Variants in WIZ observed in about 807,000 individuals in gnomAD.
WIZ encodes the protein WIZ zinc finger.
WIZ carries 25 observed loss-of-function variants against 140.2 expected under a neutral mutation model. The observed-to-expected ratio is 0.18, with a 90% CI of 0.13 to 0.25. The LOEUF is 0.25. Ranked by LOEUF, WIZ falls within the 10% of genes least tolerant of loss-of-function variation. The probability of loss-of-function intolerance (pLI) is 1.00; values close to 1 mark genes in which losing one functional copy is unlikely to be tolerated. For missense variants in WIZ, 2,231 were observed against 2,632.6 expected (o/e 0.85, Z 3.34); for synonymous variants, 1,125 against 1,154.3 (o/e 0.97, Z 0.51).
chr19:15,428,425 C>T lies in WIZ; in HGVS notation c.3499G>A (p.Ala1167Thr). The T allele has an allele frequency of 6.5e-7, 1 of 1,535,676 alleles. No individual in the cohort carries two copies. The highest frequency in any genetic ancestry group is 1.7e-4 in the Middle Eastern group (1 of 5,990). Residue 1167 changes from alanine (A) to threonine (T), a missense_variant, in exon 8 of 13, where the codon GCC becomes ACC. Transcript: ENST00000673675. The surrounding 1 kb of genome is among the most constrained non-coding windows in gnomAD (Gnocchi z 6.4). ...CCCAGGTGGCGCAGGTGGGCACGGG[C>T]GTGGCTAGACAGGCCCTTGCGGGTC... ...FETRKGLSSH[A>T]RAHLRHLGVS...
In WIZ at chr19:15,425,786, T is replaced by G. The variant is rs1238576147; in HGVS notation, c.4367-18A>C. On this transcript the variant is annotated intron_variant, in intron 9 of 12. Transcript: ENST00000673675. The stretch of plus-strand genomic sequence containing the variant: ...CCGGGACGCTGCAGGGGATCCAGGG[T>G]AGGGGGAAGGAGGAGGAGGAGGAGG... 16 of 1,211,502 alleles carry G rather than the reference T, an allele frequency of 1.3e-5. No homozygotes were observed. The highest frequency in any genetic ancestry group is 4.3e-5 in the South Asian group (3 of 70,176). The allele number at this position is 1,211,502 out of a possible 1,614,324, so 75.0% of individuals were successfully genotyped here. A position where few individuals can be genotyped will look rare whatever the true frequency, so the allele number is the denominator to read the frequency against.
At chr19:15,423,294 G>C in intron 12 of WIZ, 59 bp from the exon 13 acceptor site, 3 of 1,578,106 alleles carry the variant, frequency 1.9e-6, no homozygotes, top group Non-Finnish European at 2.6e-6. Context: ...CGGAAGCATA[G>C]CCTTGCCAGC....
At position 15,439,090 on chromosome 19, in the gene WIZ, GA is replaced by G; in HGVS notation, c.1903del (p.Ser635ProfsTer10). 1 of 1,486,690 alleles carries G rather than the reference GA, an allele frequency of 6.7e-7. No homozygotes were observed. The highest frequency in any genetic ancestry group is 8.9e-7 in the Non-Finnish European group (1 of 1,120,776). 92.1% of individuals were successfully genotyped at this position (1,486,690 alleles called of 1,614,324 possible). A position where few individuals can be genotyped will look rare whatever the true frequency, so the allele number is the denominator to read the frequency against. ...DVVLTSEMDF[S>X]PENGVFSPLA... ...GGGTGAAAAGACCCCATTTTCAGGG[GA>G]AAAATCCATCTCGGAGGTCAGCACT... is the stretch of plus-strand genomic sequence containing the variant. On this transcript the variant is annotated frameshift_variant, in exon 4 of 13. Coordinates refer to ENST00000673675, the MANE Select transcript of WIZ (RefSeq NM_001371589.1). LOFTEE classifies it high-confidence loss of function. The surrounding 1 kb of genome is among the most constrained non-coding windows in gnomAD (Gnocchi z 7.0).
In WIZ at chr19:15,421,787, C is replaced by G. The variant is rs1335659143; in HGVS notation, c.*1289G>C. On this transcript the variant is annotated 3_prime_UTR_variant, in exon 13 of 13. Coordinates refer to ENST00000673675, the MANE Select transcript of WIZ (RefSeq NM_001371589.1). ...TAGCTCCTGCCTTTGATAAGCTCCT[C>G]TAGCCTCAACTGCTTCTTGATCCTG... The G allele has an allele frequency of 1.3e-5, 2 of 152,442 alleles. No individual in the cohort carries two copies. The highest frequency in any genetic ancestry group is 4.8e-5 in the African/African-American group (2 of 41,586). 9.4% of individuals were successfully genotyped at this position (152,442 alleles called of 1,614,324 possible).
rs913956835 is a variant in WIZ, at chr19:15,421,271, C to A, written c.*1805G>T. ...GATGGAGAGAAGTGGTTGCGGCCTT[C>A]TGCCACCAGGCGAGATGTGCGTCCT... On this transcript the variant is annotated 3_prime_UTR_variant, in exon 13 of 13. Coordinates refer to ENST00000673675, the MANE Select transcript of WIZ (RefSeq NM_001371589.1). 6.6e-6 allele frequency: 1 copy of A among 152,330 alleles called. No homozygotes were observed. Among genetic ancestry groups the A allele is most frequent in the Non-Finnish European group, 1.5e-5 (1 of 68,100 alleles). 9.4% of individuals were successfully genotyped at this position (152,330 alleles called of 1,614,324 possible). A position where few individuals can be genotyped will look rare whatever the true frequency, so the allele number is the denominator to read the frequency against.
At position 15,424,542 on chromosome 19, in the gene WIZ, G is replaced by A. The variant is rs1052335174; in HGVS notation, c.5314+71C>T. On this transcript the variant is annotated intron_variant, in intron 11 of 12. Transcript: ENST00000673675. The surrounding 1 kb of genome is among the most constrained non-coding windows in gnomAD (Gnocchi z 9.7). ...AAGGACTTAAGGGCCACAGCAGAGC[G>A]CCTGGGGAGTGGCTGGGTGGGCCTG... 169 of 1,533,112 alleles carry A rather than the reference G, an allele frequency of 1.1e-4. No homozygotes were observed. The highest frequency in any genetic ancestry group is 7.2e-4 in the Middle Eastern group (3 of 4,186). The allele number at this position is 1,533,112 out of a possible 1,614,324, so 95.0% of individuals were successfully genotyped here. A position where few individuals can be genotyped will look rare whatever the true frequency, so the allele number is the denominator to read the frequency against.
At chr19:15,441,718 T>A (rs967072690) in intron 3 of WIZ, among the ~76,000 whole-genome samples, 1 of 152,118 alleles carries the variant, frequency 6.6e-6, no homozygotes, top group Non-Finnish European at 1.5e-5. Flanking sequence ...GACCATAAGG[T>A]CACCTTTCTA....
At position 15,436,798 on chromosome 19, in the gene WIZ, C is replaced by A; in HGVS notation, c.2740+8G>T. 6.4e-7 allele frequency: 1 copy of A among 1,573,312 alleles called. No homozygotes were observed. Among genetic ancestry groups the A allele is most frequent in the Non-Finnish European group, 8.6e-7 (1 of 1,166,316 alleles). ...GGGGCTCCAGCACAGCCCGTCCCCTCCCCTTACCATCTCCATAGGCTGGCC... is the reference window on the plus strand; with the variant it reads ...GGGGCTCCAGCACAGCCCGTCCCCTACCCTTACCATCTCCATAGGCTGGCC... On this transcript the variant is annotated splice_region_variant and intron_variant, in intron 5 of 12. Coordinates refer to ENST00000673675, the MANE Select transcript of WIZ (RefSeq NM_001371589.1).
chr19:15,444,090 C>T (rs1441887785), intron 2 of WIZ, among the ~76,000 whole-genome samples: 5 of 152,236 alleles, frequency 3.3e-5, no homozygotes, highest in East Asian at 1.9e-4. Context: ...ACTTGTGCCC[C>T]GTCCAGAGCC....
chr19:15,425,391 G>C lies in WIZ; in HGVS notation c.4744C>G (p.Pro1582Ala). 1 of 1,557,250 alleles carries C rather than the reference G, an allele frequency of 6.4e-7. No individual in the cohort carries two copies. The highest frequency in any genetic ancestry group is 1.2e-5 in the South Asian group (1 of 85,264). ...GAGCCCAGGTAGCCAGTGGCTGAGG[G>C]CTTGGCCCCAGTGATGGGCGTCAGG... Reference protein sequence around the residue: ...LSLTPITGAKPSATGYLGSVA... With the variant: ...LSLTPITGAKASATGYLGSVA... The change falls in exon 10 of 13, where the codon CCC (proline) becomes GCC (alanine). Residue 1582 changes from proline to alanine, a missense_variant. By Grantham distance (27) the Pro-to-Ala change is conservative. Around this residue, in one of 15 missense-constraint regions of WIZ, gnomAD observed 393 missense variants for 451.7 expected, o/e 0.87. Transcript: ENST00000673675.
Position 15,424,480 on chromosome 19 carries a change from T to G in WIZ, c.5315-102A>C. On this transcript the variant is annotated intron_variant, in intron 11 of 12. Transcript: ENST00000673675. The surrounding 1 kb of genome is among the most constrained non-coding windows in gnomAD (Gnocchi z 9.7). The stretch of plus-strand genomic sequence containing the variant: ...ACTGATGCTACCTGGATGGGTGGGA[T>G]GGGGGATGGATGGGTGAATGGGTAA... 6.5e-7 allele frequency: 1 copy of G among 1,526,970 alleles called. No individual in the cohort carries two copies. 94.6% of individuals were successfully genotyped at this position (1,526,970 alleles called of 1,614,324 possible). A position where few individuals can be genotyped will look rare whatever the true frequency, so the allele number is the denominator to read the frequency against.
At position 15,442,847 on chromosome 19, in the gene WIZ, C is replaced by T; in HGVS notation, c.206-99G>A. The T allele has an allele frequency of 1.5e-6, 1 of 646,854 alleles. No homozygotes were observed. The highest frequency in any genetic ancestry group is 2.2e-6 in the Non-Finnish European group (1 of 453,526). The allele number at this position is 646,854 out of a possible 1,614,324, so 40.1% of individuals were successfully genotyped here. On this transcript the variant is annotated intron_variant, in intron 2 of 12. Coordinates refer to ENST00000673675, the MANE Select transcript of WIZ (RefSeq NM_001371589.1). This position sits in a 1 kb window ranked among gnomAD's most constrained non-coding sequence, Gnocchi z 5.5. ...GCCCTGCCAGGTGCCTCAGAAAGGC[C>T]CTGCTGGCTCCCAGTTCCTCTCCCT...
chr19:15,440,193 T>C lies in WIZ; in HGVS notation c.801A>G (p.Thr267=), dbSNP rs1270656035. Residue 267 remains threonine (T), a synonymous_variant, in exon 4 of 13, where the codon ACA becomes ACG. Transcript: ENST00000673675. The surrounding 1 kb of genome is among the most constrained non-coding windows in gnomAD (Gnocchi z 6.2). The part of the protein sequence containing the change: ...SASEVATQTW[T]VNSEASVERL... ...GCTCCACAGAAGCCTCCGAGTTCACTGTCCAGGTCTGTGTGGCTACCTCCG... is the reference window on the plus strand; with the variant it reads ...GCTCCACAGAAGCCTCCGAGTTCACCGTCCAGGTCTGTGTGGCTACCTCCG... 17 of 1,529,106 alleles carry C rather than the reference T, an allele frequency of 1.1e-5. 1 individual carries two copies. Among genetic ancestry groups the C allele is most frequent in the South Asian group, 4.8e-5 (4 of 83,350 alleles). The allele number at this position is 1,529,106 out of a possible 1,614,324, so 94.7% of individuals were successfully genotyped here.
Position 15,422,767 on chromosome 19 carries a change from G to A in WIZ, c.*309C>T, listed in dbSNP as rs117198015. ...ACATCGCCCTGCCTGGCTGCTAGACGGGGGAGTGCTGTCCTCCCCTGTGAC... is the reference window on the plus strand; with the variant it reads ...ACATCGCCCTGCCTGGCTGCTAGACAGGGGAGTGCTGTCCTCCCCTGTGAC... On this transcript the variant is annotated 3_prime_UTR_variant, in exon 13 of 13. Coordinates refer to ENST00000673675, the MANE Select transcript of WIZ (RefSeq NM_001371589.1). 4,727 of 424,806 alleles carry A rather than the reference G, an allele frequency of 0.011. 43 individuals carry two copies. Among genetic ancestry groups the A allele is most frequent in the Non-Finnish European group, 0.016 (3,753 of 235,102 alleles). The allele number at this position is 424,806 out of a possible 1,614,324, so 26.3% of individuals were successfully genotyped here. A position where few individuals can be genotyped will look rare whatever the true frequency, so the allele number is the denominator to read the frequency against.
chr19:15,432,622 T>G (rs1969339847), intron 5 of WIZ: 26 of 160,644 alleles, frequency 1.6e-4, no homozygotes, highest in South Asian at 8.4e-4. Context: ...GGGCGCGCGC[T>G]CCCGGGCGCC....
In WIZ at chr19:15,440,327, C is replaced by T. The variant is rs1260986601; in HGVS notation, c.667G>A (p.Glu223Lys). The part of the protein sequence containing the change: ...APFRRVFVPV[E>K]DTPKTLDMAV... ...ATGTCCAGCGTCTTCGGGGTGTCTT[C>T]CACTGGCACAAACACCCTCCTGAAG... Residue 223 changes from glutamate to lysine, a missense_variant, in exon 4 of 13, where the codon GAA becomes AAA. Physicochemically the swap from Glu to Lys is moderately conservative, Grantham distance 56. Transcript: ENST00000673675. This position sits in a 1 kb window ranked among gnomAD's most constrained non-coding sequence, Gnocchi z 6.2. 172 of 1,522,272 alleles carry T rather than the reference C, an allele frequency of 1.1e-4. No homozygotes were observed. The highest frequency in any genetic ancestry group is 1.5e-4 in the Non-Finnish European group (166 of 1,138,378). 94.3% of individuals were successfully genotyped at this position (1,522,272 alleles called of 1,614,324 possible).
Position 15,439,090 on chromosome 19 carries a change from G to T in WIZ, c.1904C>A (p.Ser635Tyr). 6 of 1,486,692 alleles carry T rather than the reference G, an allele frequency of 4.0e-6. No individual in the cohort carries two copies. Among genetic ancestry groups the T allele is most frequent in the Non-Finnish European group, 5.4e-6 (6 of 1,120,776 alleles). 92.1% of individuals were successfully genotyped at this position (1,486,692 alleles called of 1,614,324 possible). The stretch of plus-strand genomic sequence containing the variant: ...GGGTGAAAAGACCCCATTTTCAGGG[G>T]AAAAATCCATCTCGGAGGTCAGCAC... The part of the protein sequence containing the change: ...DVVLTSEMDF[S>Y]PENGVFSPLA... Residue 635 changes from serine (S) to tyrosine (Y), a missense_variant, in exon 4 of 13, where the codon TCC becomes TAC. By Grantham distance (144) the Ser-to-Tyr change is moderately radical. Coordinates refer to ENST00000673675, the MANE Select transcript of WIZ (RefSeq NM_001371589.1). This position sits in a 1 kb window ranked among gnomAD's most constrained non-coding sequence, Gnocchi z 7.0.
rs768291629 is a variant in WIZ, at chr19:15,436,912, A to G, written c.2634T>C (p.Pro878=). 5.0e-6 allele frequency: 8 copies of G among 1,612,702 alleles called. No homozygotes were observed. The highest frequency in any genetic ancestry group is 6.8e-6 in the Non-Finnish European group (8 of 1,179,510). ...EQPPSPLGRE[P]GGPPGSFLTS... is the part of the protein sequence containing the mutation. ...TCAGGAAGCTGCCAGGCGGACCCCC[A>G]GGCTCTCGGCCCAGGGGGCTGGGGG... Residue 878 remains proline (P), a synonymous_variant, in exon 5 of 13, where the codon CCT becomes CCC. Coordinates refer to ENST00000673675, the MANE Select transcript of WIZ (RefSeq NM_001371589.1).
rs1327115405 is a variant in WIZ, at chr19:15,440,690, A to T, written c.304T>A (p.Phe102Ile). The T allele has an allele frequency of 2.7e-6, 4 of 1,505,742 alleles. No homozygotes were observed. The highest frequency in any genetic ancestry group is 2.7e-6 in the Non-Finnish European group (3 of 1,128,672). The allele number at this position is 1,505,742 out of a possible 1,614,324, so 93.3% of individuals were successfully genotyped here. ...TGGGGTGGTGGGGAGCCCGGCCGGA[A>T]GTCCAGGCTGCCTCCATCCCAGCAG... ...SCCWDGGSLD[F>I]RPGSPPPHLL... is the part of the protein sequence containing the mutation. Residue 102 changes from phenylalanine to isoleucine, a missense_variant, in exon 4 of 13, where the codon TTC (phenylalanine) becomes ATC (isoleucine). Coordinates refer to ENST00000673675, the MANE Select transcript of WIZ (RefSeq NM_001371589.1). The surrounding 1 kb of genome is among the most constrained non-coding windows in gnomAD (Gnocchi z 6.2).
Sources: gnomAD v4.1 joint callset for allele counts (sites outside exome capture counted in the v4.1 genomes callset) on GRCh38, gnomAD v4.1.1 for gene constraint, gnomAD v4.1.1 regional missense constraint, Gnocchi (gnomAD v3.1) non-coding constraint, MANE v1.5 for transcripts, NCBI Gene and HGNC (gene_info 2026-07-23, HGNC 2026-07-21) for gene names.